Variants in MCC observed in about 807,000 individuals in gnomAD.
MCC encodes the protein colorectal mutant cancer protein.
A neutral mutation model predicts 116.2 loss-of-function variants in MCC; 90 were observed. The ratio of observed to expected loss-of-function variants is 0.77; its 90% CI spans 0.65 to 0.92. MCC has a LOEUF of 0.92. Among genes scored for constraint, MCC ranks in the 40% least tolerant of loss-of-function variants. MCC has a pLI of 0.00. For synonymous variants in MCC, 578 were observed against 510.5 expected, an observed-to-expected ratio of 1.13 and a Z score of -1.78; for missense variants, 1,516 against 1,312.2, an observed-to-expected ratio of 1.16 and a Z score of -2.40.
chr5:113,165,780 G>T, intron 3 of MCC, among the ~76,000 whole-genome samples: 1 of 152,180 alleles, frequency 6.6e-6, no homozygotes, highest in East Asian at 1.9e-4. Flanking sequence ...TTAGGTTCCA[G>T]ACCTAATGGT....
At chr5:113,088,183 A>C (rs1755337052) in intron 8 of MCC, among the ~76,000 whole-genome samples, 1 of 152,144 alleles carries the variant, frequency 6.6e-6, no homozygotes, top group Non-Finnish European at 1.5e-5. Context: ...ACCCAGCTGA[A>C]GGGAGTGCAG....
chr5:113,208,859 A>G (rs972607033), intron 3 of MCC, among the ~76,000 whole-genome samples: 12 of 152,342 alleles, frequency 7.9e-5, no homozygotes, highest in Non-Finnish European at 4.4e-5. Context: ...ATAGATGTAG[A>G]TTTCTTATGC....
chr5:113,425,977 G>A (rs561077641), intron 1 of MCC, among the ~76,000 whole-genome samples: 35 of 152,156 alleles, frequency 2.3e-4, no homozygotes, highest in African/African-American at 7.7e-4. Context: ...AGCCGAGGGC[G>A]GAACCCAGGC....
intron 3 of MCC, among the ~76,000 whole-genome samples, chr5:113,337,037 T>G (rs1394172944): frequency 3.3e-5 from 5 of 152,238 alleles, no homozygotes; most frequent in African/African-American, 1.2e-4. Flanking sequence ...AGCTGGACCA[T>G]GTAAACATTT....
intron 11 of MCC, among the ~76,000 whole-genome samples, chr5:113,082,055 A>G (rs1754893889): frequency 6.6e-6 from 1 of 152,246 alleles, no homozygotes; most frequent in Non-Finnish European, 1.5e-5. Flanking sequence ...TTCTGAGGCC[A>G]AGTGGTTTCC....
chr5:113,291,091 T>C (rs1766477309), intron 3 of MCC, among the ~76,000 whole-genome samples: 1 of 152,248 alleles, frequency 6.6e-6, no homozygotes, highest in Non-Finnish European at 1.5e-5. Context: ...TACTATCTGC[T>C]GTAATCAACT....
In MCC at chr5:113,027,254, T is replaced by G; in HGVS notation, c.*48A>C. ...ATGGGCCCTTCTGTCCCCAGTGGCC[T>G]GCTGCAGTTTACTTCCCATGGGCAG... On this transcript the variant is annotated 3_prime_UTR_variant, in exon 19 of 19. Transcript: ENST00000408903. 1.3e-6 allele frequency: 2 copies of G among 1,595,190 alleles called. No homozygotes were observed. Among genetic ancestry groups the G allele is most frequent in the Non-Finnish European group, 1.7e-6 (2 of 1,167,874 alleles).
intron 3 of MCC, among the ~76,000 whole-genome samples, chr5:113,273,941 A>T (rs927249885): frequency 3.3e-5 from 5 of 152,154 alleles, no homozygotes; most frequent in Non-Finnish European, 4.4e-5. Flanking sequence ...TGCACTCCTA[A>T]TTATGGGCTC....
chr5:113,266,765 A>G (rs1186994729), intron 3 of MCC, among the ~76,000 whole-genome samples: 1 of 152,148 alleles, frequency 6.6e-6, no homozygotes, highest in Non-Finnish European at 1.5e-5. Flanking sequence ...TCAACATCCC[A>G]GCAAGGGAAC....
rs772801176 is a variant in MCC at position 113,138,095 on chromosome 5, CA to C, written c.884+5122del. Among the ~76,000 whole-genome samples the C allele has an allele frequency of 4.0e-5, 6 of 151,816 alleles. No individual in the cohort carries two copies. In the South Asian group the frequency reaches 8.4e-4, roughly 21 times the overall value. Reference sequence around the variant, plus strand: ...GCAGTGGTGCGACCTTGGCTCACTGCAACCTCCACCTCCTGGGTTCAAGTGA... The same window carrying C: ...GCAGTGGTGCGACCTTGGCTCACTGCACCTCCACCTCCTGGGTTCAAGTGA... On this transcript the variant is annotated intron_variant, in intron 5 of 18. Transcript: ENST00000408903.
chr5:113,372,744 C>T (rs527428259), intron 2 of MCC, among the ~76,000 whole-genome samples: 86 of 152,178 alleles, frequency 5.7e-4, no homozygotes, highest in African/African-American at 1.7e-3. Flanking sequence ...CAGGCTGGAG[C>T]GCAGTGGTGC....
intron 3 of MCC, among the ~76,000 whole-genome samples, chr5:113,308,497 T>A (rs1238837881): frequency 6.6e-6 from 1 of 152,098 alleles, no homozygotes; most frequent in East Asian, 1.9e-4. Context: ...TCTAAAAACC[T>A]CCAGACCTTT....
At chr5:113,248,032 G>C (rs1251461276) in intron 3 of MCC, among the ~76,000 whole-genome samples, 1 of 151,920 alleles carries the variant, frequency 6.6e-6, no homozygotes, top group Non-Finnish European at 1.5e-5. Flanking sequence ...CATAGTTAGG[G>C]GGCTGGAAGA....
At chr5:113,181,136 G>A (rs1761607367) in intron 3 of MCC, among the ~76,000 whole-genome samples, 1 of 152,154 alleles carries the variant, frequency 6.6e-6, no homozygotes, top group East Asian at 1.9e-4. Context: ...CCCAGAAACA[G>A]GCAATTTAGA....
intron 8 of MCC, among the ~76,000 whole-genome samples, chr5:113,093,612 AAG>A (rs1429290150): frequency 1.3e-5 from 2 of 152,096 alleles, no homozygotes. Context: ...GTGTGCACAG[AAG>A]CAGGTTTCCA....
At chr5:113,402,063 G>C (rs1157059384) in intron 1 of MCC, among the ~76,000 whole-genome samples, 1 of 151,850 alleles carries the variant, frequency 6.6e-6, no homozygotes, top group East Asian at 1.9e-4. Flanking sequence ...GGGAGGCCGA[G>C]GCGGGTGGAT....
At chr5:113,100,464 C>CT (rs10649958) in intron 8 of MCC, among the ~76,000 whole-genome samples, 40,832 of 78,170 alleles carry the variant, frequency 0.52, 10,056 homozygotes, top group South Asian at 0.69. Context: ...GTATTTTTCC[C>CT]TTTTTTTTTT....
At chr5:113,207,998 C>T (rs920223640) in intron 3 of MCC, among the ~76,000 whole-genome samples, 1 of 152,058 alleles carries the variant, frequency 6.6e-6, no homozygotes, top group Non-Finnish European at 1.5e-5. Context: ...TAAATGCTTA[C>T]TCATATGCAA....
At chr5:113,477,385 T>C (rs1214400722) in intron 1 of MCC, among the ~76,000 whole-genome samples, 3 of 152,190 alleles carry the variant, frequency 2.0e-5, no homozygotes, top group Admixed American at 1.3e-4. Flanking sequence ...GTCATAATCA[T>C]AGGTCACAGA....
Sources: gnomAD v4.1 joint callset for allele counts (sites outside exome capture counted in the v4.1 genomes callset) on GRCh38, gnomAD v4.1.1 for gene constraint, MANE v1.5 for transcripts, NCBI Gene and HGNC (gene_info 2026-07-23, HGNC 2026-07-21) for gene names.